The following RBFOX1 variants were observed in gnomAD, a reference collection of about 807,000 sequenced individuals.
RBFOX1 encodes RNA binding fox-1 homolog 1.
A neutral mutation model predicts 57.7 loss-of-function variants in RBFOX1; 8 were observed. That is an observed-to-expected ratio of 0.14 (90% CI 0.08 to 0.25). RBFOX1 has a LOEUF of 0.25. Among genes scored for constraint, RBFOX1 ranks in the 10% least tolerant of loss-of-function variants. The pLI is 1.00. For synonymous variants in RBFOX1, 326 were observed against 222.4 expected (o/e 1.47, Z -4.15); for missense variants, 611 against 548.5 (o/e 1.11, Z -1.14).
intron 3 of RBFOX1, among the ~76,000 whole-genome samples, chr16:7,000,685 A>C (rs1311790394): frequency 7.3e-6 from 1 of 136,172 alleles, no homozygotes; most frequent in South Asian, 2.4e-4. Context: ...GCTCACTGCA[A>C]CCTCTGCCTA....
At chr16:6,701,904 C>T (rs964637280) in intron 3 of RBFOX1, among the ~76,000 whole-genome samples, 7 of 152,164 alleles carry the variant, frequency 4.6e-5, no homozygotes, top group African/African-American at 7.2e-5. Flanking sequence ...ACACTGAGTA[C>T]ACACGGACAC....
At chr16:7,443,650 A>C in intron 4 of RBFOX1, among the ~76,000 whole-genome samples, 1 of 152,180 alleles carries the variant, frequency 6.6e-6, no homozygotes, top group East Asian at 1.9e-4. Flanking sequence ...GCGTATTTCT[A>C]TATATGTCTG....
At chr16:5,696,048 A>G (rs2050833676) in intron 3 of RBFOX1, among the ~76,000 whole-genome samples, 1 of 152,252 alleles carries the variant, frequency 6.6e-6, no homozygotes, top group Admixed American at 6.5e-5. Context: ...GAATACAAAT[A>G]GCTAAATCCA....
At chr16:6,931,273 C>A (rs561551975) in intron 3 of RBFOX1, among the ~76,000 whole-genome samples, 2 of 121,604 alleles carry the variant, frequency 1.6e-5, no homozygotes, top group Admixed American at 8.4e-5. Context: ...AAAAAAAAAT[C>A]TATCTATCTG....
At chr16:5,766,270 G>A (rs1428518590) in intron 3 of RBFOX1, among the ~76,000 whole-genome samples, 2 of 152,150 alleles carry the variant, frequency 1.3e-5, no homozygotes, top group African/African-American at 4.8e-5. Context: ...AAGAGAGAGA[G>A]GAGGAGGTAT....
chr16:7,155,365 G>C (rs75106783), intron 4 of RBFOX1, among the ~76,000 whole-genome samples: 26,709 of 151,768 alleles, frequency 0.18, 2,451 homozygotes, highest in East Asian at 0.25. Context: ...CGAGTTCAGT[G>C]GGTCACTTAA....
chr16:6,546,023 T>C (rs555943352), intron 2 of RBFOX1, among the ~76,000 whole-genome samples: 35 of 152,266 alleles, frequency 2.3e-4, no homozygotes, highest in African/African-American at 5.1e-4. Context: ...GGGCTCTAAA[T>C]AAAATACACA....
At chr16:6,331,703 CAG>C (rs567982125) in intron 2 of RBFOX1, among the ~76,000 whole-genome samples, 38 of 151,688 alleles carry the variant, frequency 2.5e-4, no homozygotes, top group African/African-American at 8.2e-4. Flanking sequence ...TCTGGTGCAT[CAG>C]AGAGTGCCAC....
intron 3 of RBFOX1, among the ~76,000 whole-genome samples, chr16:5,678,757 G>A (rs1314481384): frequency 1.3e-5 from 2 of 152,198 alleles, no homozygotes; most frequent in Non-Finnish European, 2.9e-5. Context: ...CCAGATGAAG[G>A]TGGTGGCATT....
intron 4 of RBFOX1, among the ~76,000 whole-genome samples, chr16:7,073,099 G>T (rs922165346): frequency 6.6e-6 from 1 of 152,156 alleles, no homozygotes; most frequent in Admixed American, 6.5e-5. Context: ...ACTCCAGAAA[G>T]ATCAGACTTT....
chr16:6,418,820 C>G (rs777947410), intron 2 of RBFOX1, among the ~76,000 whole-genome samples: 1 of 152,172 alleles, frequency 6.6e-6, no homozygotes, highest in African/African-American at 2.4e-5. Context: ...TGAGCCACCA[C>G]GTCTGGCCCT....
At chr16:7,054,137 C>G (rs1029434596) in intron 4 of RBFOX1, among the ~76,000 whole-genome samples, 1 of 135,546 alleles carries the variant, frequency 7.4e-6, no homozygotes, top group Non-Finnish European at 1.5e-5. Context: ...CCCTCTTTTC[C>G]TTTCACACCT....
At position 6,382,635 on chromosome 16, in the gene RBFOX1, A is replaced by T. The variant is rs191627419; in HGVS notation, c.-64+65578A>T. 3.8e-4 allele frequency among the ~76,000 whole-genome samples: 58 copies of T among 152,204 alleles called. 1 individual carries two copies. The highest frequency in any genetic ancestry group is 6.2e-4 in the South Asian group (3 of 4,816). On this transcript the variant is annotated intron_variant, in intron 2 of 15. Coordinates refer to ENST00000550418, the MANE Select transcript of RBFOX1 (RefSeq NM_018723.4). ...AGAACTTTGGGAGGCTGAGGCGGGC[A>T]GATCATCTGAGGTTAGGAGTTCTAG... is the stretch of plus-strand genomic sequence containing the variant.
intron 3 of RBFOX1, among the ~76,000 whole-genome samples, chr16:5,823,001 A>G (rs983739285): frequency 2.0e-5 from 3 of 152,234 alleles, no homozygotes; most frequent in Non-Finnish European, 4.4e-5. Flanking sequence ...TGTAGGAACT[A>G]TGCTGTGTAG....
intron 4 of RBFOX1, among the ~76,000 whole-genome samples, chr16:5,868,020 T>C (rs1486528725): frequency 1.3e-5 from 2 of 151,564 alleles, no homozygotes; most frequent in African/African-American, 2.4e-5. Context: ...CCTGTTTTTC[T>C]TTCTCTACTC....
chr16:7,596,970 C>A (rs1280774061), intron 8 of RBFOX1, among the ~76,000 whole-genome samples: 1 of 152,154 alleles, frequency 6.6e-6, no homozygotes, highest in Non-Finnish European at 1.5e-5. Flanking sequence ...TTCCCTTGTA[C>A]CTTGTCTCTT....
chr16:6,553,155 C>G (rs1437658267), intron 2 of RBFOX1, among the ~76,000 whole-genome samples: 2 of 152,126 alleles, frequency 1.3e-5, no homozygotes, highest in Non-Finnish European at 2.9e-5. Context: ...TTCTGTTAAA[C>G]AGGGAGGATT....
chr16:7,595,987 G>T (rs780322302), intron 8 of RBFOX1, among the ~76,000 whole-genome samples: 5 of 151,466 alleles, frequency 3.3e-5, no homozygotes, highest in Non-Finnish European at 5.9e-5. Flanking sequence ...ACAAAATACA[G>T]AACAGTTTCT....
intron 3 of RBFOX1, among the ~76,000 whole-genome samples, chr16:7,015,615 C>CA (rs766401318): frequency 5.6e-4 from 86 of 152,242 alleles, no homozygotes; most frequent in Non-Finnish European, 7.1e-4. Flanking sequence ...TATTAGACAC[C>CA]ATTTGTGGTT....
Sources: allele counts gnomAD v4.1 joint callset (sites outside exome capture counted in the v4.1 genomes callset), GRCh38; gene constraint gnomAD v4.1.1; transcripts MANE v1.5; gene names NCBI Gene and HGNC (gene_info 2026-07-23, HGNC 2026-07-21).